TRDN: variants seen among roughly 807,000 people sequenced by gnomAD.
The protein encoded by TRDN is triadin in skeletal muscle.
TRDN carries 161 observed loss-of-function variants against 149.7 expected under a neutral mutation model. That is an observed-to-expected ratio of 1.08 (90% CI 0.95 to 1.23). TRDN has a LOEUF of 1.23. Ranked by LOEUF, TRDN falls within the 50% of genes most tolerant of loss-of-function variation. The pLI, the probability that TRDN is intolerant of heterozygous loss-of-function variation, is 0.00. For synonymous variants in TRDN, 294 were observed against 250.5 expected (o/e 1.17, Z -1.64); for missense variants, 896 against 823.5 (o/e 1.09, Z -1.08).
chr6:123,604,104 G>A (rs1784406694), intron 1 of TRDN, among the ~76,000 whole-genome samples: 1 of 152,190 alleles, frequency 6.6e-6, no homozygotes, highest in African/African-American at 2.4e-5. Context: ...AATATTGAGT[G>A]CTTACCGCGA....
At chr6:123,389,231 C>T (rs1271478821) in intron 13 of TRDN, among the ~76,000 whole-genome samples, 1 of 152,088 alleles carries the variant, frequency 6.6e-6, no homozygotes, top group African/African-American at 2.4e-5. Context: ...AGGTGCTCAA[C>T]AGGCTTAGAA....
intron 18 of TRDN, 115 bp downstream of exon 18, chr6:123,377,601 A>C: frequency 8.2e-7 from 1 of 1,223,190 alleles, no homozygotes; most frequent in African/African-American, 1.5e-5. Context: ...AAACACTGTG[A>C]GATGGAAGCA....
chr6:123,400,077 G>A (rs1449960383), intron 12 of TRDN, among the ~76,000 whole-genome samples: 2 of 150,116 alleles, frequency 1.3e-5, no homozygotes, highest in Non-Finnish European at 3.0e-5. Context: ...GATTGATTCA[G>A]ACTCTAAGAA....
At chr6:123,521,158 C>T (rs1178908457) in intron 5 of TRDN, among the ~76,000 whole-genome samples, 7 of 152,052 alleles carry the variant, frequency 4.6e-5, no homozygotes. Flanking sequence ...TCTGAATCAC[C>T]CTTTTTAAAA....
At chr6:123,457,437 G>T in intron 10 of TRDN, 1 of 336,132 alleles carries the variant, frequency 3.0e-6, no homozygotes, top group Non-Finnish European at 5.7e-6. Flanking sequence ...TCAATAACAG[G>T]AAATCAAAAC....
intron 9 of TRDN, among the ~76,000 whole-genome samples, chr6:123,486,973 C>A (rs115876644): frequency 0.016 from 2,393 of 152,042 alleles, 71 homozygotes; most frequent in African/African-American, 0.054. Flanking sequence ...TAGGAGACAT[C>A]AGATGGCTAC....
At position 123,459,945 on chromosome 6, in the gene TRDN, T is replaced by A. The variant is rs184069936; in HGVS notation, c.931+4961A>T. Among the ~76,000 whole-genome samples, 269 of 152,306 alleles carry A rather than the reference T, an allele frequency of 1.8e-3. 2 individuals are homozygous for A. The highest frequency in any genetic ancestry group is 1.2e-3 in the Non-Finnish European group (80 of 68,024). ...AATGACATAAATCATATTCACTACT[T>A]GTAGTTGTTTTGAGAGTAAAATGTG... On this transcript the variant is annotated intron_variant, in intron 10 of 40. Coordinates refer to ENST00000334268, the MANE Select transcript of TRDN (RefSeq NM_006073.4).
intron 19 of TRDN, among the ~76,000 whole-genome samples, chr6:123,374,156 T>C (rs1302344476): frequency 1.3e-5 from 2 of 152,190 alleles, no homozygotes; most frequent in African/African-American, 2.4e-5. Flanking sequence ...ATATTGTGTT[T>C]AAGATGATTT....
intron 12 of TRDN, among the ~76,000 whole-genome samples, chr6:123,397,057 A>C (rs934421357): frequency 4.5e-4 from 68 of 151,294 alleles, no homozygotes; most frequent in African/African-American, 1.6e-3. Context: ...GAAAAAAAAA[A>C]CAGTGTATTT....
At chr6:123,632,787 A>T (rs1786076467) in intron 1 of TRDN, among the ~76,000 whole-genome samples, 1 of 151,710 alleles carries the variant, frequency 6.6e-6, no homozygotes, top group African/African-American at 2.4e-5. Flanking sequence ...TCATAATTTC[A>T]CCATCTGTCA....
At position 123,622,903 on chromosome 6, in the gene TRDN, A is replaced by T. The variant is rs529584513; in HGVS notation, c.22+13851T>A. Reference sequence around the variant, plus strand: ...CAAAATATTGGGTGACTCTCAAGTAAAAGAAATGTAATCCACCTTGAGGTT... The same window carrying T: ...CAAAATATTGGGTGACTCTCAAGTATAAGAAATGTAATCCACCTTGAGGTT... On this transcript the variant is annotated intron_variant, in intron 1 of 40. Coordinates refer to ENST00000334268, the MANE Select transcript of TRDN (RefSeq NM_006073.4). 3.3e-5 allele frequency among the ~76,000 whole-genome samples: 5 copies of T among 152,252 alleles called. No homozygotes were observed. The East Asian group carries it at 9.7e-4, about 29-fold the overall frequency.
chr6:123,275,109 C>T (rs902335192), intron 26 of TRDN, among the ~76,000 whole-genome samples: 1 of 151,966 alleles, frequency 6.6e-6, no homozygotes, highest in East Asian at 1.9e-4. Flanking sequence ...TGGGTACTTA[C>T]GTGATTTAGG....
At chr6:123,330,006 C>G (rs1380276772) in intron 23 of TRDN, among the ~76,000 whole-genome samples, 1 of 151,982 alleles carries the variant, frequency 6.6e-6, no homozygotes, top group Non-Finnish European at 1.5e-5. Flanking sequence ...ACTAATATCT[C>G]TAACGATGAA....
intron 24 of TRDN, among the ~76,000 whole-genome samples, chr6:123,288,330 A>T (rs564057358): frequency 1.3e-5 from 2 of 152,096 alleles, no homozygotes; most frequent in African/African-American, 4.8e-5. Context: ...CAGAGTAGTT[A>T]TTTCTCAGGT....
chr6:123,460,965 A>C (rs891338329), intron 10 of TRDN, among the ~76,000 whole-genome samples: 1 of 152,114 alleles, frequency 6.6e-6, no homozygotes, highest in Non-Finnish European at 1.5e-5. Flanking sequence ...TGTTTCAGTA[A>C]ATAATGCTTC....
chr6:123,373,730 A>G (rs949356887), intron 19 of TRDN, among the ~76,000 whole-genome samples: 11 of 152,220 alleles, frequency 7.2e-5, no homozygotes, highest in African/African-American at 2.4e-4. Context: ...TCACATAAAT[A>G]CATAGTTTAT....
At chr6:123,385,546 C>T (rs1781880224) in intron 14 of TRDN, among the ~76,000 whole-genome samples, 1 of 151,992 alleles carries the variant, frequency 6.6e-6, no homozygotes, top group South Asian at 2.1e-4. Context: ...CTTTGTGGAA[C>T]CTGCCTGATT....
intron 10 of TRDN, chr6:123,456,932 C>T (rs73544291): frequency 5.2e-5 from 23 of 442,736 alleles, no homozygotes; most frequent in African/African-American, 4.0e-4. Flanking sequence ...CAGACCAGAT[C>T]GCAAACAAAT....
At chr6:123,251,598 AAATTAAAATTACATATATGT>A in intron 38 of TRDN, among the ~76,000 whole-genome samples, 1 of 150,774 alleles carries the variant, frequency 6.6e-6, no homozygotes, top group East Asian at 1.9e-4. Flanking sequence ...TACACATATG[AAATTAAAATTACATATATGT>A]AATTAAAATT....
Sources: gnomAD v4.1 joint callset for allele counts (sites outside exome capture counted in the v4.1 genomes callset) on GRCh38, gnomAD v4.1.1 for gene constraint, MANE v1.5 for transcripts, NCBI Gene and HGNC (gene_info 2026-07-23, HGNC 2026-07-21) for gene names.